Variants in PCDH9 observed in about 807,000 individuals in gnomAD.
The protein encoded by PCDH9 is protocadherin-9.
PCDH9 carries 24 observed loss-of-function variants against 70.6 expected under a neutral mutation model. The observed-to-expected ratio is 0.34, with a 90% CI of 0.25 to 0.48. The LOEUF (loss-of-function observed/expected upper bound fraction) is 0.48. Among genes scored for constraint, PCDH9 ranks in the 20% least tolerant of loss-of-function variants. The pLI is 0.99. For missense variants in PCDH9, 1,281 were observed against 1,503.6 expected, an observed-to-expected ratio of 0.85 and a Z score of 2.45; for synonymous variants, 562 against 558.5, an observed-to-expected ratio of 1.01 and a Z score of -0.09.
intron 4 of PCDH9, among the ~76,000 whole-genome samples, chr13:66,566,151 C>T (rs1249225641): frequency 1.3e-5 from 2 of 152,120 alleles, no homozygotes; most frequent in African/African-American, 2.4e-5. Context: ...GTTTAACGCT[C>T]AATTGGAAGC....
At chr13:66,733,393 A>G (rs2079102073) in intron 3 of PCDH9, among the ~76,000 whole-genome samples, 1 of 152,146 alleles carries the variant, frequency 6.6e-6, no homozygotes. Context: ...TATTTAGATC[A>G]CCTTCCTCCA....
At chr13:66,483,796 G>C (rs1459374573) in intron 4 of PCDH9, among the ~76,000 whole-genome samples, 1 of 152,076 alleles carries the variant, frequency 6.6e-6, no homozygotes, top group Non-Finnish European at 1.5e-5. Flanking sequence ...CTCAAATGTT[G>C]CATTTCCCAA....
chr13:66,419,981 G>A (rs1356699237), intron 4 of PCDH9, among the ~76,000 whole-genome samples: 1 of 152,112 alleles, frequency 6.6e-6, no homozygotes, highest in Non-Finnish European at 1.5e-5. Context: ...CTCCAGCTTG[G>A]TGGGGGGAGG....
intron 4 of PCDH9, among the ~76,000 whole-genome samples, chr13:66,502,816 G>T (rs1959183641): frequency 6.6e-6 from 1 of 152,140 alleles, no homozygotes; most frequent in Admixed American, 6.6e-5. Context: ...ATTTGCTGAT[G>T]TGAATATCTC....
At position 66,617,186 on chromosome 13, in the gene PCDH9, T is replaced by A. The variant is rs947917006; in HGVS notation, c.3340+14024A>T. Among the ~76,000 whole-genome samples the A allele has an allele frequency of 3.2e-4, 49 of 152,134 alleles. 1 individual carries two copies. The highest frequency in any genetic ancestry group is 1.8e-4 in the Non-Finnish European group (12 of 68,028). ...CTCTAGGCGCCCCCTGATTCATGGGTGCAAGCCACTTTTGCACTCATGGTG... is the reference window on the plus strand; with the variant it reads ...CTCTAGGCGCCCCCTGATTCATGGGAGCAAGCCACTTTTGCACTCATGGTG... On this transcript the variant is annotated intron_variant, in intron 4 of 4. Transcript: ENST00000377865.
At chr13:67,035,375 C>T (rs1278988493) in intron 2 of PCDH9, among the ~76,000 whole-genome samples, 1 of 151,902 alleles carries the variant, frequency 6.6e-6, no homozygotes, top group East Asian at 1.9e-4. Context: ...TGGCATTTTA[C>T]TCAGAATTCC....
chr13:66,456,530 G>A (rs981277665), intron 4 of PCDH9, among the ~76,000 whole-genome samples: 1 of 152,026 alleles, frequency 6.6e-6, no homozygotes, highest in African/African-American at 2.4e-5. Flanking sequence ...AAATTGCAGG[G>A]ATTACAGGCC....
chr13:66,537,665 T>C (rs1439188363), intron 4 of PCDH9, among the ~76,000 whole-genome samples: 1 of 152,118 alleles, frequency 6.6e-6, no homozygotes, highest in Non-Finnish European at 1.5e-5. Context: ...CTTTCTGGAC[T>C]GTTAAGAAGG....
rs568838058 is a variant in PCDH9, at chr13:66,809,318, G to A, written c.3138+94186C>T. Among the ~76,000 whole-genome samples, 19 of 152,208 alleles carry A rather than the reference G, an allele frequency of 1.2e-4. No homozygotes were observed. In the East Asian group the frequency reaches 2.1e-3, roughly 17 times the overall value. On this transcript the variant is annotated intron_variant, in intron 3 of 4. Transcript: ENST00000377865. The stretch of plus-strand genomic sequence containing the variant: ...AAAATTACCGTGTATACAATATATT[G>A]AATATGTCTTACCTTTTATAGAAAA...
intron 2 of PCDH9, among the ~76,000 whole-genome samples, chr13:67,149,236 A>C (rs1308182814): frequency 3.3e-5 from 5 of 152,244 alleles, no homozygotes; most frequent in Admixed American, 3.3e-4. Flanking sequence ...TCCTATCAGT[A>C]TGAAAACAGG....
intron 2 of PCDH9, among the ~76,000 whole-genome samples, chr13:67,134,883 A>C (rs2138340338): frequency 6.6e-6 from 1 of 152,238 alleles, no homozygotes; most frequent in South Asian, 2.1e-4. Flanking sequence ...ATTATTTAAA[A>C]AGATAAAGTC....
At chr13:66,491,816 T>A (rs1359776092) in intron 4 of PCDH9, among the ~76,000 whole-genome samples, 1 of 152,198 alleles carries the variant, frequency 6.6e-6, no homozygotes, top group Non-Finnish European at 1.5e-5. Flanking sequence ...TCTCTTCCTC[T>A]TTCCTTTAGA....
At chr13:66,845,573 C>T (rs1429433783) in intron 3 of PCDH9, among the ~76,000 whole-genome samples, 4 of 152,094 alleles carry the variant, frequency 2.6e-5, no homozygotes, top group Non-Finnish European at 2.9e-5. Flanking sequence ...TGCCTGCTCC[C>T]GGCCCCCAAG....
At chr13:66,768,196 C>T (rs897884747) in intron 3 of PCDH9, among the ~76,000 whole-genome samples, 1 of 151,762 alleles carries the variant, frequency 6.6e-6, no homozygotes, top group Admixed American at 6.6e-5. Flanking sequence ...ATATAGCTGT[C>T]CATTAAATGT....
rs1281138870 is a variant in PCDH9 at position 66,707,108 on chromosome 13, C to G, written c.3139-75697G>C. On this transcript the variant is annotated intron_variant, in intron 3 of 4. Transcript: ENST00000377865. Reference sequence around the variant, plus strand: ...TATTTTCATTTTAGCACCTCTTACCCCCACAAAAAATCAGGGAATAAACCA... The same window carrying G: ...TATTTTCATTTTAGCACCTCTTACCGCCACAAAAAATCAGGGAATAAACCA... Among the ~76,000 whole-genome samples the G allele has an allele frequency of 2.6e-5, 4 of 152,000 alleles. No homozygotes were observed. The East Asian group carries it at 5.8e-4, about 22-fold the overall frequency.
chr13:67,134,269 A>C (rs2138338732), intron 2 of PCDH9, among the ~76,000 whole-genome samples: 1 of 152,186 alleles, frequency 6.6e-6, no homozygotes, highest in African/African-American at 2.4e-5. Context: ...TAAAATTCAA[A>C]ACACTCCCTG....
chr13:66,701,945 TCCCTTGCCCAAAGTCAGGA>T (rs1236713654), intron 3 of PCDH9, among the ~76,000 whole-genome samples: 1 of 152,072 alleles, frequency 6.6e-6, no homozygotes, highest in East Asian at 1.9e-4. Flanking sequence ...ACTAAATGAG[TCCCTTGCCCAAAGTCAGGA>T]AGCTGGGCAA....
Position 66,304,856 on chromosome 13 carries a change from G to T in PCDH9, c.3513C>A (p.Asp1171Glu). 6.2e-7 allele frequency: 1 copy of T among 1,613,516 alleles called. No individual in the cohort carries two copies. Among genetic ancestry groups the T allele is most frequent in the Non-Finnish European group, 8.5e-7 (1 of 1,179,716 alleles). The part of the protein sequence containing the change: ...FAPQKEWVKK[D>E]KLVNGHTLTR... ...TCAGGGTGTGCCCATTCACAAGCTT[G>T]TCCTTCTTCACCCATTCTTTCTGGG... The change falls in exon 5 of 5, where the codon GAC becomes GAA. Residue 1171 changes from aspartate (D) to glutamate (E), a missense_variant. Around this residue, in one of 4 missense-constraint regions of PCDH9, gnomAD observed 264 missense variants for 278.8 expected, o/e 0.95. Transcript: ENST00000377865.
intron 2 of PCDH9, among the ~76,000 whole-genome samples, chr13:67,011,962 C>A (rs1339039374): frequency 6.6e-6 from 1 of 151,868 alleles, no homozygotes; most frequent in Non-Finnish European, 1.5e-5. Context: ...AAAGAGAACA[C>A]ATTTCATTTC....
Sources: allele counts gnomAD v4.1 joint callset (sites outside exome capture counted in the v4.1 genomes callset), GRCh38; gene constraint gnomAD v4.1.1; regional missense constraint gnomAD v4.1.1; transcripts MANE v1.5; gene names NCBI Gene and HGNC (gene_info 2026-07-23, HGNC 2026-07-21).